MOSPD2: variants seen among roughly 807,000 people sequenced by gnomAD.
MOSPD2 encodes the protein motile sperm domain containing 2.
Under a neutral mutation model 41.7 loss-of-function variants are expected in MOSPD2, and 5 were observed. The ratio of observed to expected loss-of-function variants is 0.12; its 90% CI spans 0.06 to 0.25. MOSPD2 has a LOEUF of 0.25. MOSPD2 is among the 10% of genes least tolerant of loss of function. The pLI is 1.00. For synonymous variants in MOSPD2, 115 were observed against 126.9 expected, an observed-to-expected ratio of 0.91 and a Z score of 0.63; for missense variants, 282 against 375.2, an observed-to-expected ratio of 0.75 and a Z score of 2.05.
intron 14 of MOSPD2, 61 bp downstream of exon 14, chrX:14,918,843 C>CT (rs2092604644): frequency 2.7e-6 from 2 of 739,099 alleles, no homozygotes; most frequent in Non-Finnish European, 2.1e-6. Flanking sequence ...TTAGAAATCC[C>CT]TTTTTTTCTC....
At chrX:14,901,007 C>T (rs945360966) in intron 6 of MOSPD2, among the ~76,000 whole-genome samples, 2 of 111,464 alleles carry the variant, frequency 1.8e-5, no homozygotes, top group African/African-American at 6.5e-5. Context: ...AAACTTCTTG[C>T]ATACAAGAAC....
At chrX:14,874,127 A>G (rs2092514259) in intron 2 of MOSPD2, 1 of 228,174 alleles carries the variant, frequency 4.4e-6, no homozygotes, top group African/African-American at 2.8e-5. Context: ...ATGTACCTGG[A>G]AACTGCCATA....
Position 14,919,656 on chromosome X carries a change from C to G in MOSPD2, c.1420-16C>G. On this transcript the variant is annotated splice_polypyrimidine_tract_variant and intron_variant, in intron 14 of 14. Coordinates refer to ENST00000380492, the MANE Select transcript of MOSPD2 (RefSeq NM_152581.4). ...TTTTATTGATATAAATCTTTCATCC[C>G]CTCTTCCCTCTTCAGCTCAGTCGTT... 8.7e-7 allele frequency: 1 copy of G among 1,145,036 alleles called. No individual in the cohort carries two copies. Among genetic ancestry groups the G allele is most frequent in the Non-Finnish European group, 1.2e-6 (1 of 841,577 alleles). 94.4% of individuals were successfully genotyped at this position (1,145,036 alleles called of 1,213,427 possible).
At chrX:14,913,150 C>T (rs989787720) in intron 10 of MOSPD2, among the ~76,000 whole-genome samples, 6 of 111,955 alleles carry the variant, frequency 5.4e-5, no homozygotes, top group Non-Finnish European at 1.1e-4. Flanking sequence ...GACATAGATG[C>T]GCATGCATTT....
chrX:14,887,236 C>A (rs992901689), intron 2 of MOSPD2, among the ~76,000 whole-genome samples: 1 of 112,236 alleles, frequency 8.9e-6, no homozygotes, highest in African/African-American at 3.2e-5. Flanking sequence ...TTTTTTCAAC[C>A]TTTATCTGAA....
Position 14,881,197 on chromosome X carries a change from G to A in MOSPD2, c.79+7439G>A, listed in dbSNP as rs190602690. On this transcript the variant is annotated intron_variant, in intron 2 of 14. Coordinates refer to ENST00000380492, the MANE Select transcript of MOSPD2 (RefSeq NM_152581.4). ...TTTCTCCTGGTGGGATCTGTTGGTA[G>A]TAAACTTTCTTGGTCTTGAAAATAG... Among the ~76,000 whole-genome samples the A allele has an allele frequency of 1.3e-3, 138 of 108,122 alleles. 1 individual carries two copies. Among genetic ancestry groups the A allele is most frequent in the Middle Eastern group, 4.7e-3 (1 of 212 alleles). The allele number at this position is 108,122 out of a possible 115,157, so 93.9% of individuals were successfully genotyped here.
chrX:14,893,980 G>A (rs1415063419), intron 3 of MOSPD2, among the ~76,000 whole-genome samples: 1 of 112,351 alleles, frequency 8.9e-6, no homozygotes, highest in Non-Finnish European at 1.9e-5. Context: ...TTAAGGTACT[G>A]CTGGTGAATG....
In MOSPD2 at chrX:14,921,504, C is replaced by A; in HGVS notation, c.*1695C>A. ...ATTTTTGGCCTTAATATAATCTAAT[C>A]CCAAAGTAGTTGTGTATGTTTTCTG... is the stretch of plus-strand genomic sequence containing the variant. On this transcript the variant is annotated 3_prime_UTR_variant, in exon 15 of 15. Coordinates refer to ENST00000380492, the MANE Select transcript of MOSPD2 (RefSeq NM_152581.4). 1.5e-6 allele frequency: 1 copy of A among 663,106 alleles called. No homozygotes were observed. Among genetic ancestry groups the A allele is most frequent in the Non-Finnish European group, 2.0e-6 (1 of 506,529 alleles). The allele number at this position is 663,106 out of a possible 1,213,427, so 54.6% of individuals were successfully genotyped here.
At chrX:14,873,862 G>T (rs928254250) in intron 2 of MOSPD2, 104 bp downstream of exon 2, 2 of 659,457 alleles carry the variant, frequency 3.0e-6, no homozygotes, top group Non-Finnish European at 5.1e-6. Flanking sequence ...GGACCCTTTC[G>T]ACCCTCACAG....
At chrX:14,906,981 G>A (rs963381466) in intron 7 of MOSPD2, among the ~76,000 whole-genome samples, 27 of 111,767 alleles carry the variant, frequency 2.4e-4, no homozygotes, top group African/African-American at 7.8e-4. Flanking sequence ...CCAAGATTGC[G>A]CCATTGCTCT....
rs764071636 is a variant in MOSPD2 at position 14,916,268 on chromosome X, C to T, written c.1258C>T (p.Pro420Ser). The change falls in exon 13 of 15, where the codon CCA (proline) becomes TCA (serine). Residue 420 changes from proline to serine, a missense_variant. Around this residue, in one of 3 missense-constraint regions of MOSPD2, gnomAD observed 94 missense variants for 102.1 expected, o/e 0.92. Coordinates refer to ENST00000380492, the MANE Select transcript of MOSPD2 (RefSeq NM_152581.4). ...AEMEQSSGTG[P>S]AELTQFWKEV... ...AATGGAACAGTCATCTGGCACAGGC[C>T]CAGCAGAATTAACTCAGTTTTGGAA... is the stretch of plus-strand genomic sequence containing the variant. 89 of 1,210,232 alleles carry T rather than the reference C, an allele frequency of 7.4e-5. No individual in the cohort carries two copies. Among genetic ancestry groups the T allele is most frequent in the Non-Finnish European group, 9.8e-5 (88 of 895,212 alleles).
intron 10 of MOSPD2, among the ~76,000 whole-genome samples, chrX:14,913,778 A>G (rs2092595727): frequency 8.9e-6 from 1 of 112,369 alleles, no homozygotes; most frequent in Admixed American, 9.5e-5. Context: ...ATATAAAACA[A>G]AAACACTATT....
At chrX:14,905,665 T>C (rs2092580789) in intron 7 of MOSPD2, among the ~76,000 whole-genome samples, 1 of 110,328 alleles carries the variant, frequency 9.1e-6, no homozygotes, top group Admixed American at 9.7e-5. Context: ...GGCTAATTTT[T>C]ATATTTTTAG....
At position 14,918,690 on chromosome X, in the gene MOSPD2, C is replaced by T. The variant is rs777203055; in HGVS notation, c.1327C>T (p.His443Tyr). 1.7e-6 allele frequency: 2 copies of T among 1,178,143 alleles called. No homozygotes were observed. Among genetic ancestry groups the T allele is most frequent in the Admixed American group, 2.3e-5 (1 of 43,323 alleles). ...TTTGGATTTTAATAGGTTAAGATGC[C>T]ATACTGTTGAAAGCAGTAAACCAAA... ...NKVMEHRLRC[H>Y]TVESSKPNTL... The change falls in exon 14 of 15, where the codon CAT (histidine) becomes TAT (tyrosine). Residue 443 changes from histidine to tyrosine, a missense_variant. Transcript: ENST00000380492.
In MOSPD2 at chrX:14,916,254, C is replaced by T. The variant is rs769492399; in HGVS notation, c.1244C>T (p.Ser415Leu). The T allele has an allele frequency of 8.3e-6, 10 of 1,211,908 alleles. No individual in the cohort carries two copies. The South Asian group carries it at 1.1e-4, about 13-fold the overall frequency. ...FLIMAAEMEQ[S>L]SGTGPAELTQ... ...ATAATGGCTGCAGAAATGGAACAGT[C>T]ATCTGGCACAGGCCCAGCAGAATTA... is the stretch of plus-strand genomic sequence containing the variant. The change falls in exon 13 of 15, where the codon TCA (serine) becomes TTA (leucine). Residue 415 changes from serine (S) to leucine (L), a missense_variant. Around this residue, in one of 3 missense-constraint regions of MOSPD2, gnomAD observed 94 missense variants for 102.1 expected, o/e 0.92. Coordinates refer to ENST00000380492, the MANE Select transcript of MOSPD2 (RefSeq NM_152581.4).
intron 7 of MOSPD2, among the ~76,000 whole-genome samples, chrX:14,908,595 G>T (rs2092586298): frequency 9.0e-6 from 1 of 111,410 alleles, no homozygotes; most frequent in African/African-American, 3.3e-5. Context: ...TTGTTCAGAG[G>T]CCAAAACCCT....
chrX:14,911,576 A>G (rs1445848102), intron 9 of MOSPD2, among the ~76,000 whole-genome samples, 163 bp downstream of exon 9: 1 of 112,200 alleles, frequency 8.9e-6, no homozygotes, highest in Non-Finnish European at 1.9e-5. Context: ...GACCAGAAGC[A>G]CCACTTTAGT....
rs2092608983 is a variant in MOSPD2, at chrX:14,921,158, C to CAGTT, written c.*1350_*1353dup. The CAGTT allele has an allele frequency of 1.1e-6, 1 of 885,736 alleles. No homozygotes were observed. The highest frequency in any genetic ancestry group is 2.1e-5 in the African/African-American group (1 of 47,570). The allele number at this position is 885,736 out of a possible 1,213,427, so 73.0% of individuals were successfully genotyped here. A position where few individuals can be genotyped will look rare whatever the true frequency, so the allele number is the denominator to read the frequency against. On this transcript the variant is annotated 3_prime_UTR_variant, in exon 15 of 15. Coordinates refer to ENST00000380492, the MANE Select transcript of MOSPD2 (RefSeq NM_152581.4). Reference sequence around the variant, plus strand: ...CATCTACTTTATATGAAAGAAAAAACAGTTGTCTGCCTGTAAAATGTTGAG... The same window carrying CAGTT: ...CATCTACTTTATATGAAAGAAAAAACAGTTAGTTGTCTGCCTGTAAAATGTTGAG...
intron 5 of MOSPD2, 147 bp from the exon 6 acceptor site, chrX:14,900,428 T>C: frequency 3.3e-6 from 1 of 299,058 alleles, no homozygotes; most frequent in East Asian, 5.2e-5. Context: ...ACCTTAATCC[T>C]TGAGAATATA....
Sources: gnomAD v4.1 joint callset for allele counts (sites outside exome capture counted in the v4.1 genomes callset) on GRCh38, gnomAD v4.1.1 for gene constraint, gnomAD v4.1.1 regional missense constraint, MANE v1.5 for transcripts, NCBI Gene and HGNC (gene_info 2026-07-23, HGNC 2026-07-21) for gene names.